TP53I13: variants seen among roughly 807,000 people sequenced by gnomAD.
TP53I13 encodes tumor protein p53-inducible protein 13.
In TP53I13, 27 loss-of-function variants were observed where a neutral mutation model predicts 39.1. The ratio of observed to expected loss-of-function variants is 0.69; its 90% CI spans 0.51 to 0.95. The LOEUF is 0.95. Among genes scored for constraint, TP53I13 ranks in the 40% least tolerant of loss-of-function variants. The pLI is 0.00. For missense variants in TP53I13, 544 were observed against 520.4 expected (o/e 1.05, Z -0.44); for synonymous variants, 230 against 224.6 (o/e 1.02, Z -0.22).
At chr17:29,581,494 G>T in the TP53I13 span, 1 of 875,456 alleles carries the variant, frequency 1.1e-6, no homozygotes. This position sits in a 1 kb window ranked among gnomAD's most constrained non-coding sequence, Gnocchi z 4.8. Context: ...AGGGGAAAGT[G>T]GGGAGGGCAG....
rs1392317656 is a variant in TP53I13 at position 29,572,804 on chromosome 17, G to A, written c.1070-8G>A. 3.3e-6 allele frequency: 5 copies of A among 1,532,480 alleles called. No individual in the cohort carries two copies. Among genetic ancestry groups the A allele is most frequent in the Non-Finnish European group, 3.5e-6 (4 of 1,143,312 alleles). The allele number at this position is 1,532,480 out of a possible 1,614,324, so 94.9% of individuals were successfully genotyped here. ...CCCGCCCTTGACTGCTCGGCGCCCG[G>A]CCCACAGCTGTGCTGAAGCGGAGGC... On this transcript the variant is annotated splice_polypyrimidine_tract_variant and splice_region_variant and intron_variant, in intron 6 of 6. Transcript: ENST00000301057.
At chr17:29,575,856 A>C (rs758929748), downstream of TP53I13, 4 of 1,611,952 alleles carry the variant, frequency 2.5e-6, no homozygotes, top group Admixed American at 1.7e-5. The surrounding 1 kb of genome is among the most constrained non-coding windows in gnomAD (Gnocchi z 5.5). Flanking sequence ...AGCGGGGAGG[A>C]GGGAGTGAAG....
chr17:29,574,488 G>A, downstream of TP53I13: 2 of 623,898 alleles, frequency 3.2e-6, no homozygotes, highest in South Asian at 3.7e-5. Context: ...GGAGGTGCAT[G>A]GAATGTGGGG....
downstream of TP53I13, chr17:29,574,620 G>A (rs774733467): frequency 8.7e-7 from 1 of 1,152,640 alleles, no homozygotes; most frequent in Admixed American, 1.7e-5. Flanking sequence ...GGCTCTGTTG[G>A]GGTGGGGATT....
downstream of TP53I13, among the ~76,000 whole-genome samples, chr17:29,577,953 G>C (rs1261928722): frequency 1.3e-5 from 2 of 152,264 alleles, no homozygotes; most frequent in African/African-American, 4.8e-5. Context: ...AACAAGGCCA[G>C]TGCCACTCAT....
At chr17:29,576,591 C>T, downstream of TP53I13, 1 of 1,614,112 alleles carries the variant, frequency 6.2e-7, no homozygotes, top group Non-Finnish European at 8.5e-7. Context: ...GCACCTTTGC[C>T]TCCGATGTAG....
downstream of TP53I13, among the ~76,000 whole-genome samples, chr17:29,578,019 G>C (rs1441120697): frequency 6.6e-6 from 1 of 152,208 alleles, no homozygotes; most frequent in Non-Finnish European, 1.5e-5. Context: ...GTGATGCAGG[G>C]GGGTGGAGCG....
At chr17:29,566,425 G>A, upstream of TP53I13, 1 of 1,612,254 alleles carries the variant, frequency 6.2e-7, no homozygotes, top group East Asian at 2.2e-5. Flanking sequence ...GCGCTCCAGG[G>A]CGAGCAAGCA....
upstream of TP53I13, chr17:29,566,427 G>A (rs1458696783): frequency 1.2e-6 from 2 of 1,612,110 alleles, no homozygotes; most frequent in East Asian, 2.2e-5. Context: ...GCTCCAGGGC[G>A]AGCAAGCAAA....
Position 29,571,907 on chromosome 17 carries a change from G to A in TP53I13, c.363G>A (p.Glu121=), listed in dbSNP as rs1178789565. 1 of 1,613,184 alleles carries A rather than the reference G, an allele frequency of 6.2e-7. No homozygotes were observed. Among genetic ancestry groups the A allele is most frequent in the South Asian group, 1.1e-5 (1 of 91,088 alleles). The change falls in exon 5 of 7, where the codon GAG becomes GAA. Residue 121 remains glutamate, a synonymous_variant. Coordinates refer to ENST00000301057, the MANE Select transcript of TP53I13 (RefSeq NM_138349.4). ...TGGCGCTGGAGATGGCCTGGGTAGA[G>A]CCAGCCTGGGCTGCCCACTGGCTGA... The part of the protein sequence containing the change: ...WGLALEMAWV[E]PAWAAHWLMR...
chr17:29,566,453 G>C (rs143659545), upstream of TP53I13: 1 of 1,612,268 alleles, frequency 6.2e-7, no homozygotes, highest in Non-Finnish European at 8.5e-7. Context: ...AGCACGTTGC[G>C]GGTGAGGCGA....
rs760729689 is a variant in TP53I13, at chr17:29,572,396, G to A, written c.768G>A (p.Pro256=). The A allele has an allele frequency of 4.0e-5, 64 of 1,593,532 alleles. No homozygotes were observed. The highest frequency in any genetic ancestry group is 1.5e-4 in the African/African-American group (11 of 74,556). The change falls in exon 6 of 7, where the codon CCG becomes CCA. Residue 256 remains proline, a synonymous_variant. Coordinates refer to ENST00000301057, the MANE Select transcript of TP53I13 (RefSeq NM_138349.4). ...CTGTGCCCACTGTCTCCCTGCTGCC[G>A]GGGGCGCCTGGAGGCAATGCCAGCT... ...APSVPTVSLL[P]GAPGGNASSR...
At chr17:29,576,962 G>A, downstream of TP53I13, 1 of 1,601,910 alleles carries the variant, frequency 6.2e-7, no homozygotes, top group Non-Finnish European at 8.5e-7. Flanking sequence ...GGTCGTCGAG[G>A]TCACTCTGGC....
upstream of TP53I13, chr17:29,567,023 C>T: frequency 2.4e-6 from 3 of 1,226,560 alleles, no homozygotes; most frequent in Non-Finnish European, 3.0e-6. This position sits in a 1 kb window ranked among gnomAD's most constrained non-coding sequence, Gnocchi z 6.6. Flanking sequence ...ACTCGGCGAG[C>T]TCCGCGCTTT....
At chr17:29,577,403 C>T (rs897754662), downstream of TP53I13, among the ~76,000 whole-genome samples, 7 of 152,186 alleles carry the variant, frequency 4.6e-5, no homozygotes, top group African/African-American at 1.7e-4. Context: ...CAGCCAAGGC[C>T]ACCCGTGGCA....
the TP53I13 span, among the ~76,000 whole-genome samples, chr17:29,580,780 T>C: frequency 0.011 from 1,716 of 151,624 alleles, 17 homozygotes; most frequent in Non-Finnish European, 0.02. Context: ...CTTTTTCTTT[T>C]TTTTTTTTTT....
the TP53I13 span, chr17:29,582,174 G>A: frequency 2.0e-6 from 3 of 1,479,816 alleles, no homozygotes; most frequent in East Asian, 2.5e-5. Context: ...CAGTGAATAC[G>A]CATGTGCGTG....
chr17:29,577,282 G>A (rs747906767), downstream of TP53I13: 132 of 1,527,118 alleles, frequency 8.6e-5, no homozygotes, highest in Non-Finnish European at 1.2e-4. Flanking sequence ...GGCTTCAGGG[G>A]ACCCCTTATG....
Position 29,568,917 on chromosome 17 carries a change from A to AG in TP53I13, c.72+92dup. On this transcript the variant is annotated intron_variant, in intron 1 of 6. Coordinates refer to ENST00000301057, the MANE Select transcript of TP53I13 (RefSeq NM_138349.4). This position sits in a 1 kb window ranked among gnomAD's most constrained non-coding sequence, Gnocchi z 4.5. ...TCGTCCTGGAAGGAGTGGCGCGCCG[A>AG]GGGGGACGCGGAGTTCTTCCGCTGG... is the stretch of plus-strand genomic sequence containing the variant. The AG allele has an allele frequency of 6.3e-7, 1 of 1,596,596 alleles. No homozygotes were observed. The highest frequency in any genetic ancestry group is 2.2e-5 in the East Asian group (1 of 44,698).
Sources: allele counts gnomAD v4.1 joint callset (sites outside exome capture counted in the v4.1 genomes callset), GRCh38; gene constraint gnomAD v4.1.1; non-coding constraint Gnocchi (gnomAD v3.1); transcripts MANE v1.5; gene names NCBI Gene and HGNC (gene_info 2026-07-23, HGNC 2026-07-21).